Variants in MAPK8 observed in about 807,000 individuals in gnomAD.
The protein encoded by MAPK8 is mitogen-activated protein kinase 8.
Under a neutral mutation model 52.9 loss-of-function variants are expected in MAPK8, and 13 were observed. That is an observed-to-expected ratio of 0.25 (90% CI 0.16 to 0.39). MAPK8 has a LOEUF of 0.39. Among genes scored for constraint, MAPK8 ranks in the 10% least tolerant of loss-of-function variants. The pLI is 1.00. For synonymous variants in MAPK8, 191 were observed against 169.8 expected, an observed-to-expected ratio of 1.12 and a Z score of -0.97; for missense variants, 300 against 519.2, an observed-to-expected ratio of 0.58 and a Z score of 4.10.
At chr10:48,330,538 G>A (rs779819174) in intron 1 of MAPK8, among the ~76,000 whole-genome samples, 6 of 152,162 alleles carry the variant, frequency 3.9e-5, no homozygotes, top group Non-Finnish European at 7.3e-5. Flanking sequence ...AACAATGTGT[G>A]AGAAACACAT....
At chr10:48,397,709 G>T (rs553475236) in intron 1 of MAPK8, among the ~76,000 whole-genome samples, 15 of 152,204 alleles carry the variant, frequency 9.9e-5, no homozygotes, top group African/African-American at 3.6e-4. Context: ...TCCTGCCTCA[G>T]CCTCCCAAGT....
At chr10:48,322,250 A>T (rs1843069145) in intron 1 of MAPK8, among the ~76,000 whole-genome samples, 1 of 152,080 alleles carries the variant, frequency 6.6e-6, no homozygotes, top group African/African-American at 2.4e-5. Flanking sequence ...TGTAACGATT[A>T]TGGAGTGAAG....
chr10:48,362,572 T>G, intron 1 of MAPK8, among the ~76,000 whole-genome samples: 1 of 142,680 alleles, frequency 7.0e-6, no homozygotes, highest in Non-Finnish European at 1.5e-5. Flanking sequence ...GGGTGGGAAG[T>G]GGGTAGGGGT....
chr10:48,360,864 G>A lies in MAPK8; in HGVS notation c.-49-40748G>A, dbSNP rs183834863. Among the ~76,000 whole-genome samples, 289 of 152,282 alleles carry A rather than the reference G, an allele frequency of 1.9e-3. 2 individuals carry two copies. The highest frequency in any genetic ancestry group is 6.6e-3 in the African/African-American group (275 of 41,556). On this transcript the variant is annotated intron_variant, in intron 1 of 11. Transcript: ENST00000374189. ...AAATGGTACCTCTTGGGTGTGAGAGGAGGAGATGATTATGGGGGGAATTTT... is the reference window on the plus strand; with the variant it reads ...AAATGGTACCTCTTGGGTGTGAGAGAAGGAGATGATTATGGGGGGAATTTT...
At chr10:48,407,877 A>G (rs1166399197) in intron 3 of MAPK8, among the ~76,000 whole-genome samples, 3 of 152,304 alleles carry the variant, frequency 2.0e-5, no homozygotes, top group African/African-American at 7.2e-5. Flanking sequence ...AGGGCTTCCC[A>G]GATATTAATG....
chr10:48,336,612 A>G (rs1350786710), intron 1 of MAPK8, among the ~76,000 whole-genome samples: 2 of 152,334 alleles, frequency 1.3e-5, no homozygotes, highest in Middle Eastern at 3.4e-3. Flanking sequence ...TGACAAAGTA[A>G]TAACCCAGTT....
chr10:48,389,629 AAT>A (rs2041514829), intron 1 of MAPK8, among the ~76,000 whole-genome samples: 1 of 152,216 alleles, frequency 6.6e-6, no homozygotes, highest in African/African-American at 2.4e-5. Context: ...GGGAATTTAA[AAT>A]AACAGTTTGT....
At chr10:48,433,020 C>T (rs1022633184) in intron 11 of MAPK8, among the ~76,000 whole-genome samples, 1 of 152,108 alleles carries the variant, frequency 6.6e-6, no homozygotes, top group African/African-American at 2.4e-5. Context: ...TTTTCCCTGT[C>T]GAGTGCCTTC....
intron 11 of MAPK8, among the ~76,000 whole-genome samples, chr10:48,432,232 CT>C (rs945625367): frequency 1.3e-5 from 2 of 152,204 alleles, no homozygotes; most frequent in South Asian, 4.1e-4. Context: ...GAAACTTCTA[CT>C]TTTGAGGAAA....
At chr10:48,334,668 C>T (rs927099872) in intron 1 of MAPK8, among the ~76,000 whole-genome samples, 1 of 152,118 alleles carries the variant, frequency 6.6e-6, no homozygotes, top group Non-Finnish European at 1.5e-5. Context: ...TCTCCCTTTT[C>T]GGCCGGAGTC....
chr10:48,373,773 AG>A (rs944606671), intron 1 of MAPK8, among the ~76,000 whole-genome samples: 22 of 152,032 alleles, frequency 1.4e-4, no homozygotes, highest in African/African-American at 5.3e-4. Flanking sequence ...AAAGACCTAG[AG>A]GCAGACTCCC....
At chr10:48,395,083 C>T (rs541332680) in intron 1 of MAPK8, among the ~76,000 whole-genome samples, 1 of 151,992 alleles carries the variant, frequency 6.6e-6, no homozygotes, top group East Asian at 1.9e-4. Flanking sequence ...TACCATTTCT[C>T]CCCAAATTGA....
intron 7 of MAPK8, chr10:48,424,673 C>G (rs1269872206): frequency 1.3e-6 from 1 of 763,054 alleles, no homozygotes; most frequent in Admixed American, 2.7e-5. Flanking sequence ...TGTATTTTGT[C>G]TCTCCCTAAT....
At chr10:48,410,267 C>T in intron 5 of MAPK8, 99 bp downstream of exon 5, 1 of 1,010,704 alleles carries the variant, frequency 9.9e-7, no homozygotes, top group Non-Finnish European at 1.4e-6. Context: ...TTAGTACATT[C>T]ACAGTGCTGT....
chr10:48,307,907 T>C (rs1233228520), intron 1 of MAPK8, among the ~76,000 whole-genome samples: 1 of 152,232 alleles, frequency 6.6e-6, no homozygotes, highest in Non-Finnish European at 1.5e-5. Context: ...ATGCTTTGAC[T>C]GAAGTATAAT....
At chr10:48,369,752 T>C (rs946945097) in intron 1 of MAPK8, among the ~76,000 whole-genome samples, 1 of 152,010 alleles carries the variant, frequency 6.6e-6, no homozygotes, top group African/African-American at 2.4e-5. Flanking sequence ...ATCCAGAGTA[T>C]GCAGTGTTTT....
chr10:48,330,509 G>C (rs1844025222), intron 1 of MAPK8, among the ~76,000 whole-genome samples: 1 of 152,152 alleles, frequency 6.6e-6, no homozygotes, highest in South Asian at 2.1e-4. Context: ...AGACCATAAA[G>C]GGATTTGCAG....
At chr10:48,329,458 T>C (rs551840329) in intron 1 of MAPK8, among the ~76,000 whole-genome samples, 3 of 152,028 alleles carry the variant, frequency 2.0e-5, no homozygotes, top group Non-Finnish European at 2.9e-5. Context: ...ACTCTGGCCA[T>C]GAGACAACGT....
At chr10:48,307,338 G>C (rs1324800158) in intron 1 of MAPK8, among the ~76,000 whole-genome samples, 2 of 152,170 alleles carry the variant, frequency 1.3e-5, no homozygotes, top group African/African-American at 4.8e-5. Flanking sequence ...TAACGTTCTG[G>C]GCGAACGCAG....
Sources: allele counts gnomAD v4.1 joint callset (sites outside exome capture counted in the v4.1 genomes callset), GRCh38; gene constraint gnomAD v4.1.1; transcripts MANE v1.5; gene names NCBI Gene and HGNC (gene_info 2026-07-23, HGNC 2026-07-21).